The following LRP1B variants were observed in gnomAD, a reference collection of about 807,000 sequenced individuals.
LRP1B encodes the protein low-density lipoprotein receptor-related protein 1B.
Under a neutral mutation model 556.6 loss-of-function variants are expected in LRP1B, and 217 were observed. The ratio of observed to expected loss-of-function variants is 0.39; its 90% confidence interval spans 0.35 to 0.44. The LOEUF is 0.44. LRP1B is among the 20% of genes least tolerant of loss of function. The pLI, the probability that LRP1B is intolerant of heterozygous loss-of-function variation, is 1.00. For missense variants in LRP1B, 5,053 were observed against 5,620.8 expected (o/e 0.90, Z 3.23); for synonymous variants, 2,047 against 1,865.8 (o/e 1.10, Z -2.50).
intron 53 of LRP1B, among the ~76,000 whole-genome samples, chr2:140,505,820 A>T (rs1689384335): frequency 6.6e-6 from 1 of 152,220 alleles, no homozygotes; most frequent in Non-Finnish European, 1.5e-5. Flanking sequence ...TTCTATGAGC[A>T]TATATAAAGT....
At chr2:140,503,237 C>A in intron 53 of LRP1B, 134 bp from the exon 54 acceptor site, 1 of 815,458 alleles carries the variant, frequency 1.2e-6, no homozygotes, top group Non-Finnish European at 1.9e-6. Flanking sequence ...TCATTTCTTT[C>A]TGTAACAGTG....
intron 23 of LRP1B, among the ~76,000 whole-genome samples, chr2:140,896,672 G>A (rs1693963516): frequency 6.6e-6 from 1 of 152,118 alleles, no homozygotes. Flanking sequence ...TGTAGGTAGG[G>A]GGTATCCTTA....
intron 68 of LRP1B, among the ~76,000 whole-genome samples, chr2:140,377,721 G>A (rs912726850): frequency 6.6e-6 from 1 of 152,152 alleles, no homozygotes; most frequent in Non-Finnish European, 1.5e-5. Context: ...ATTCATCACC[G>A]AAGCAAAGCT....
At chr2:141,720,826 C>T (rs1324243514) in intron 2 of LRP1B, among the ~76,000 whole-genome samples, 1 of 152,090 alleles carries the variant, frequency 6.6e-6, no homozygotes, top group Non-Finnish European at 1.5e-5. Flanking sequence ...TACAAACAAT[C>T]CTTTCCCACT....
intron 2 of LRP1B, among the ~76,000 whole-genome samples, chr2:141,560,066 C>T (rs757370008): frequency 6.6e-6 from 1 of 151,496 alleles, no homozygotes; most frequent in Non-Finnish European, 1.5e-5. Context: ...TTGCTTTGGG[C>T]TTTGTGCTTA....
intron 35 of LRP1B, among the ~76,000 whole-genome samples, chr2:140,724,559 G>A (rs1331940548): frequency 3.3e-5 from 5 of 152,084 alleles, no homozygotes; most frequent in Non-Finnish European, 7.4e-5. Context: ...TATATAAAGT[G>A]TGTTTCAATT....
chr2:140,511,837 T>C lies in LRP1B; in HGVS notation c.8270-1781A>G, dbSNP rs142039331. 4.3e-3 allele frequency among the ~76,000 whole-genome samples: 651 copies of C among 152,320 alleles called. 3 individuals carry two copies. Among genetic ancestry groups the C allele is most frequent in the Non-Finnish European group, 6.5e-3 (440 of 68,026 alleles). On this transcript the variant is annotated intron_variant, in intron 51 of 90. Coordinates refer to ENST00000389484, the MANE Select transcript of LRP1B (RefSeq NM_018557.3). ...AAAAATTATTTTGTTTGCTAACTAG[T>C]ATGTCTTCAGTACTTTCTATAATAA...
rs1038398137 is a variant in LRP1B, at chr2:141,022,511, T to C, written c.1790-2409A>G. ...CATTCTGCTTCCACATTATTTGGTC[T>C]CTGCTTTAAATTAACTTATAAATTA... On this transcript the variant is annotated intron_variant, in intron 11 of 90. Transcript: ENST00000389484. Among the ~76,000 whole-genome samples the C allele has an allele frequency of 9.2e-5, 14 of 152,162 alleles. No individual in the cohort carries two copies. In the South Asian group the frequency reaches 2.9e-3, roughly 32 times the overall value.
intron 18 of LRP1B, among the ~76,000 whole-genome samples, chr2:140,956,945 C>T (rs1229200484): frequency 1.3e-5 from 2 of 151,564 alleles, no homozygotes; most frequent in Non-Finnish European, 3.0e-5. Flanking sequence ...AGATAGAGTT[C>T]TAGGCCTTAG....
intron 3 of LRP1B, among the ~76,000 whole-genome samples, chr2:141,348,234 A>C (rs1688321876): frequency 6.6e-6 from 1 of 151,966 alleles, no homozygotes; most frequent in Non-Finnish European, 1.5e-5. Flanking sequence ...AGATTTGAAA[A>C]AGCAACAAAC....
Position 140,270,510 on chromosome 2 carries a change from A to G in LRP1B, c.13143-164T>C, listed in dbSNP as rs192257926. ...AAGTCTGACTCACTAGAGGCAGTTT[A>G]ATTTATGTCAGAATGATGTCATAAA... On this transcript the variant is annotated intron_variant, in intron 85 of 90. Coordinates refer to ENST00000389484, the MANE Select transcript of LRP1B (RefSeq NM_018557.3). Among the ~76,000 whole-genome samples, 724 of 152,108 alleles carry G rather than the reference A, an allele frequency of 4.8e-3. 7 individuals carry two copies. The highest frequency in any genetic ancestry group is 0.016 in the African/African-American group (684 of 41,544).
intron 2 of LRP1B, among the ~76,000 whole-genome samples, chr2:141,782,052 A>G (rs1477246189): frequency 6.6e-6 from 1 of 152,170 alleles, no homozygotes; most frequent in Non-Finnish European, 1.5e-5. Flanking sequence ...AGACTGAGGA[A>G]TATTGCCTAA....
intron 45 of LRP1B, among the ~76,000 whole-genome samples, chr2:140,540,183 G>C (rs981470146): frequency 3.0e-4 from 45 of 152,172 alleles, no homozygotes; most frequent in African/African-American, 1.0e-3. Context: ...GATATGAGAT[G>C]AGGATATATT....
intron 66 of LRP1B, among the ~76,000 whole-genome samples, chr2:140,406,183 A>T (rs945703251): frequency 2.6e-5 from 4 of 152,112 alleles, no homozygotes; most frequent in African/African-American, 4.8e-5. Context: ...TCATAGACGG[A>T]ACTTATGTCA....
At chr2:142,116,933 A>G (rs1425448777) in intron 1 of LRP1B, among the ~76,000 whole-genome samples, 1 of 152,146 alleles carries the variant, frequency 6.6e-6, no homozygotes, top group East Asian at 1.9e-4. Flanking sequence ...TCTCAGTATG[A>G]GAATTTGTCT....
At chr2:141,763,600 G>A (rs6721767) in intron 2 of LRP1B, among the ~76,000 whole-genome samples, 2 of 151,878 alleles carry the variant, frequency 1.3e-5, no homozygotes, top group African/African-American at 2.4e-5. Flanking sequence ...ATGAAACTAC[G>A]ACATGATGGC....
intron 77 of LRP1B, among the ~76,000 whole-genome samples, 161 bp downstream of exon 77, chr2:140,350,636 A>C (rs757742385): frequency 6.6e-6 from 1 of 152,070 alleles, no homozygotes; most frequent in Non-Finnish European, 1.5e-5. Flanking sequence ...TACAGCTATG[A>C]GAATGAGTAG....
At chr2:140,453,934 C>T (rs888321144) in intron 62 of LRP1B, among the ~76,000 whole-genome samples, 8 of 152,078 alleles carry the variant, frequency 5.3e-5, no homozygotes, top group African/African-American at 1.9e-4. Flanking sequence ...TCTTAACTGC[C>T]TAGATTATTT....
chr2:141,355,951 G>A (rs1488190175), intron 3 of LRP1B, among the ~76,000 whole-genome samples: 1 of 151,920 alleles, frequency 6.6e-6, no homozygotes, highest in Non-Finnish European at 1.5e-5. Flanking sequence ...CTCTGTCCAG[G>A]AATTACCTAA....
Sources: allele counts gnomAD v4.1 joint callset (sites outside exome capture counted in the v4.1 genomes callset), GRCh38; gene constraint gnomAD v4.1.1; transcripts MANE v1.5; gene names NCBI Gene and HGNC (gene_info 2026-07-23, HGNC 2026-07-21).